NOTCH3: variants seen among roughly 807,000 people sequenced by gnomAD.
NOTCH3 encodes the protein notch receptor 3.
A neutral mutation model predicts 213.3 loss-of-function variants in NOTCH3; 86 were observed. That is an observed-to-expected ratio of 0.40 (90% CI 0.34 to 0.48). NOTCH3 has a LOEUF of 0.48. NOTCH3 is among the 20% of genes least tolerant of loss of function. NOTCH3 has a pLI of 0.57. For synonymous variants in NOTCH3, 1,354 were observed against 1,355.9 expected (o/e 1.00, Z 0.03); for missense variants, 2,783 against 3,272.6 (o/e 0.85, Z 3.65).
intron 25 of NOTCH3, among the ~76,000 whole-genome samples, chr19:15,172,147 C>T (rs2046740167): frequency 6.6e-6 from 1 of 152,128 alleles, no homozygotes; most frequent in Non-Finnish European, 1.5e-5. Flanking sequence ...CCACCCGCCT[C>T]AACCTCCCAA....
At chr19:15,181,281 A>G in intron 17 of NOTCH3, 119 bp from the exon 18 acceptor site, 4 of 912,474 alleles carry the variant, frequency 4.4e-6, no homozygotes, top group South Asian at 4.3e-5. Context: ...TATCTCGGCA[A>G]GAAGCTGCAG....
chr19:15,168,998 C>T (rs2145397183), intron 28 of NOTCH3, among the ~76,000 whole-genome samples: 1 of 152,172 alleles, frequency 6.6e-6, no homozygotes, highest in Admixed American at 6.5e-5. Context: ...ACTGCAGGCT[C>T]CAACTCCTGG....
At chr19:15,197,733 C>T (rs1370991271) in intron 1 of NOTCH3, among the ~76,000 whole-genome samples, 155 bp from the exon 2 acceptor site, 30 of 32,184 alleles carry the variant, frequency 9.3e-4, no homozygotes, top group South Asian at 3.4e-3. Context: ...ACAGTTCCCA[C>T]GCCCCCCCCC....
rs1207677266 is a variant in NOTCH3 at position 15,181,016 on chromosome 19, G to A, written c.2939C>T (p.Ala980Val). Residue 980 changes from alanine (A) to valine (V), a missense_variant, in exon 18 of 33, where the codon GCC becomes GTC. Coordinates refer to ENST00000263388, the MANE Select transcript of NOTCH3 (RefSeq NM_000435.3). ...GCAGGTGCAGCGGAAGCCAGGGTGG[G>A]CGGCGCTGCAGACGCCCCCGTGTAG... ...PCLHGGVCSA[A>V]HPGFRCTCLE... 8 of 1,598,574 alleles carry A rather than the reference G, an allele frequency of 5.0e-6. No individual in the cohort carries two copies. Among genetic ancestry groups the A allele is most frequent in the Non-Finnish European group, 6.8e-6 (8 of 1,173,700 alleles).
In NOTCH3 at chr19:15,161,602, C is replaced by T. The variant is rs372627766; in HGVS notation, c.6026G>A (p.Arg2009Gln). 50 of 1,612,236 alleles carry T rather than the reference C, an allele frequency of 3.1e-5. No homozygotes were observed. Among genetic ancestry groups the T allele is most frequent in the African/African-American group, 5.3e-5 (4 of 74,900 alleles). The change falls in exon 33 of 33, where the codon CGG becomes CAG. Residue 2009 changes from arginine (R) to glutamine (Q), a missense_variant. Coordinates refer to ENST00000263388, the MANE Select transcript of NOTCH3 (RefSeq NM_000435.3). ...GTGCAGTCTCTCCTGGGCTACGTCCCGCGGCAGCCTGTCCAGGTGGTCGGT... is the reference window on the plus strand; with the variant it reads ...GTGCAGTCTCTCCTGGGCTACGTCCTGCGGCAGCCTGTCCAGGTGGTCGGT... ...EITDHLDRLP[R>Q]DVAQERLHQD...
chr19:15,160,516 C>G lies in NOTCH3; in HGVS notation c.*146G>C, dbSNP rs1417394229. 15 of 774,786 alleles carry G rather than the reference C, an allele frequency of 1.9e-5. No individual in the cohort carries two copies. The highest frequency in any genetic ancestry group is 3.0e-5 in the Non-Finnish European group (13 of 431,586). 48.0% of individuals were successfully genotyped at this position (774,786 alleles called of 1,614,324 possible). On this transcript the variant is annotated 3_prime_UTR_variant, in exon 33 of 33. Transcript: ENST00000263388. Reference sequence around the variant, plus strand: ...GAAGCCCTGGGCTGATGACCTATCTCGGTCACGCTGCAAGGCAAGGATGCA... The same window carrying G: ...GAAGCCCTGGGCTGATGACCTATCTGGGTCACGCTGCAAGGCAAGGATGCA...
intron 2 of NOTCH3, 59 bp downstream of exon 2, chr19:15,197,441 G>GCCCCGCCCCCCCCCCC: frequency 1.3e-6 from 1 of 768,360 alleles, no homozygotes. Context: ...AAGACAAATC[G>GCCCCGCCCCCCCCCCC]CCCCTCCCCC....
intron 4 of NOTCH3, 39 bp from the exon 5 acceptor site, chr19:15,191,906 G>A (rs1301418841): frequency 1.9e-6 from 3 of 1,613,806 alleles, no homozygotes; most frequent in Non-Finnish European, 2.5e-6. Context: ...CCGCCGGGCT[G>A]GCCTGCTGTC....
At chr19:15,175,590 T>TACACAC (rs1555727085) in intron 24 of NOTCH3, among the ~76,000 whole-genome samples, 90 of 107,168 alleles carry the variant, frequency 8.4e-4, no homozygotes, top group African/African-American at 2.6e-3. Context: ...TATATGTATA[T>TACACAC]ACACACACAC....
intron 2 of NOTCH3, among the ~76,000 whole-genome samples, chr19:15,193,300 G>A (rs1438290943): frequency 2.6e-5 from 4 of 151,454 alleles, no homozygotes; most frequent in East Asian, 2.0e-4. Flanking sequence ...GCAGTGGCGC[G>A]ATCTTGGCTC....
chr19:15,197,441 G>GGCCCCCCCCCCCC, intron 2 of NOTCH3, 59 bp downstream of exon 2: 1 of 768,362 alleles, frequency 1.3e-6, no homozygotes, highest in East Asian at 2.7e-5. Flanking sequence ...AAGACAAATC[G>GGCCCCCCCCCCCC]CCCCTCCCCC....
rs762164861 is a variant in NOTCH3, at chr19:15,192,494, G to A, written c.223C>T (p.Arg75Trp). The change falls in exon 3 of 33, where the codon CGG (arginine) becomes TGG (tryptophan). Residue 75 changes from arginine to tryptophan, a missense_variant. This residue lies in a region of NOTCH3 where 708 missense variants were observed against 906.6 expected (regional missense o/e 0.78). Coordinates refer to ENST00000263388, the MANE Select transcript of NOTCH3 (RefSeq NM_000435.3). ...TGACAGGGGTCCTCCAGCTGACACC[G>A]CTCACCCACCCAGCCAGGCGGGCAC... ...CLCPPGWVGE[R>W]CQLEDPCHSG... 4.3e-5 allele frequency: 69 copies of A among 1,599,734 alleles called. No homozygotes were observed. The highest frequency in any genetic ancestry group is 1.7e-4 in the African/African-American group (13 of 74,680).
intron 16 of NOTCH3, among the ~76,000 whole-genome samples, chr19:15,183,140 G>C (rs1204341999): frequency 1.3e-5 from 2 of 151,966 alleles, no homozygotes; most frequent in Non-Finnish European, 2.9e-5. Flanking sequence ...TGTAATCCTA[G>C]CTACTCAGGA....
chr19:15,162,728 T>A (rs1477514283), intron 31 of NOTCH3, among the ~76,000 whole-genome samples, 166 bp from the exon 32 acceptor site: 2 of 151,450 alleles, frequency 1.3e-5, no homozygotes, highest in Non-Finnish European at 2.9e-5. Flanking sequence ...ATCTGCAAAA[T>A]GACTCTGTGC....
intron 32 of NOTCH3, 100 bp downstream of exon 32, chr19:15,162,365 T>A (rs1568346100): frequency 1.1e-6 from 1 of 870,108 alleles, no homozygotes; most frequent in African/African-American, 1.7e-5. Flanking sequence ...GGGTTTTATT[T>A]TGTTTTGTTT....
At chr19:15,183,636 T>C (rs1260101695) in intron 16 of NOTCH3, among the ~76,000 whole-genome samples, 1 of 152,140 alleles carries the variant, frequency 6.6e-6, no homozygotes, top group Non-Finnish European at 1.5e-5. Flanking sequence ...TGACCTCAGG[T>C]GATCCGCCCA....
chr19:15,178,823 C>G lies in NOTCH3; in HGVS notation c.3837G>C (p.Gln1279His). The change falls in exon 23 of 33, where the codon CAG (glutamine) becomes CAC (histidine). Residue 1279 changes from glutamine to histidine, a missense_variant and splice_region_variant. Physicochemically the swap from Gln to His is conservative, Grantham distance 24 (BLOSUM62 0). Transcript: ENST00000263388. ...TCCAAAGGCCGCCACCCACACCTACCTGGGCACAGTGACAGGTGAAGGTCA... is the reference window on the plus strand; with the variant it reads ...TCCAAAGGCCGCCACCCACACCTACGTGGGCACAGTGACAGGTGAAGGTCA... ...GGLTFTCHCA[Q>H]PFWGPRCERV... 1 of 1,591,636 alleles carries G rather than the reference C, an allele frequency of 6.3e-7. No individual in the cohort carries two copies. Among genetic ancestry groups the G allele is most frequent in the East Asian group, 2.3e-5 (1 of 44,058 alleles).
Position 15,185,870 on chromosome 19 carries a change from C to T in NOTCH3, c.1952-191G>A, listed in dbSNP as rs549656028. 4.6e-5 allele frequency among the ~76,000 whole-genome samples: 7 copies of T among 152,210 alleles called. No individual in the cohort carries two copies. Among genetic ancestry groups the T allele is most frequent in the African/African-American group, 1.4e-4 (6 of 41,548 alleles). ...CTGACTTGCCCCAGATCATTCTGGTCCCCAAACTTCCATGAAGTCCCTTTC... is the reference window on the plus strand; with the variant it reads ...CTGACTTGCCCCAGATCATTCTGGTTCCCAAACTTCCATGAAGTCCCTTTC... On this transcript the variant is annotated intron_variant, in intron 12 of 32. Transcript: ENST00000263388. This position sits in a 1 kb window ranked among gnomAD's most constrained non-coding sequence, Gnocchi z 4.2.
rs1035377194 is a variant in NOTCH3, at chr19:15,167,391, C to A, written c.5220G>T (p.Gly1740=). 2 of 1,607,794 alleles carry A rather than the reference C, an allele frequency of 1.2e-6. No homozygotes were observed. The highest frequency in any genetic ancestry group is 3.3e-5 in the Admixed American group (2 of 60,028). ...GACGGCAATCCACAGCCTCCTCAGC[C>A]CCCATGCCTGGCTCCTCTACCTGGA... ...KRLKVEEPGM[G]AEEAVDCRQW... The change falls in exon 29 of 33, where the codon GGG becomes GGT. Residue 1740 remains glycine (G), a synonymous_variant. Transcript: ENST00000263388.
Sources: gnomAD v4.1 joint callset for allele counts (sites outside exome capture counted in the v4.1 genomes callset) on GRCh38, gnomAD v4.1.1 for gene constraint, gnomAD v4.1.1 regional missense constraint, Gnocchi (gnomAD v3.1) non-coding constraint, MANE v1.5 for transcripts, NCBI Gene and HGNC (gene_info 2026-07-23, HGNC 2026-07-21) for gene names.